The following FBXL4 variants were observed in gnomAD, a reference collection of about 807,000 sequenced individuals.
The protein encoded by FBXL4 is F-box and leucine rich repeat protein 4, also known as F-box/LRR-repeat protein 4.
A neutral mutation model predicts 58.9 loss-of-function variants in FBXL4; 40 were observed. The ratio of observed to expected loss-of-function variants is 0.68; its 90% CI spans 0.53 to 0.88. The LOEUF is 0.88. FBXL4 is among the 40% of genes least tolerant of loss of function. The probability of loss-of-function intolerance (pLI) is 0.00; values close to 1 mark genes in which losing one functional copy is unlikely to be tolerated. For synonymous variants in FBXL4, 263 were observed against 265.5 expected (o/e 0.99, Z 0.09); for missense variants, 676 against 734.4 (o/e 0.92, Z 0.92).
chr6:98,909,847 G>A (rs2128395667), intron 5 of FBXL4, among the ~76,000 whole-genome samples: 1 of 152,230 alleles, frequency 6.6e-6, no homozygotes, highest in Middle Eastern at 3.4e-3. Context: ...GTGGGATCCT[G>A]GTCCCATGGC....
At chr6:98,885,915 GT>G (rs2128382214) in intron 7 of FBXL4, among the ~76,000 whole-genome samples, 1 of 152,298 alleles carries the variant, frequency 6.6e-6, no homozygotes, top group South Asian at 2.1e-4. Flanking sequence ...CAGCTGCCAT[GT>G]CATGAGGACA....
At chr6:98,904,542 C>T (rs111452176) in intron 6 of FBXL4, among the ~76,000 whole-genome samples, 7 of 152,208 alleles carry the variant, frequency 4.6e-5, no homozygotes, top group Middle Eastern at 3.4e-3. Context: ...GCTCCACATA[C>T]GAATTTCTAA....
chr6:98,901,902 T>C (rs1470808777), intron 6 of FBXL4, among the ~76,000 whole-genome samples: 2 of 152,134 alleles, frequency 1.3e-5, no homozygotes, highest in East Asian at 1.9e-4. Flanking sequence ...TCACAAAGTA[T>C]TTTTTTATAC....
At position 98,926,826 on chromosome 6, in the gene FBXL4, C is replaced by A; in HGVS notation, c.163G>T (p.Ala55Ser). The A allele has an allele frequency of 6.2e-7, 1 of 1,614,178 alleles. No homozygotes were observed. Among genetic ancestry groups the A allele is most frequent in the Non-Finnish European group, 8.5e-7 (1 of 1,180,028 alleles). ...GAACTGAAATCCACTACTTCTTTGGCATACTGGACTACCTCTGCATTGAGA... is the reference window on the plus strand; with the variant it reads ...GAACTGAAATCCACTACTTCTTTGGAATACTGGACTACCTCTGCATTGAGA... ...SPLNAEVVQY[A>S]KEVVDFSSHY... Residue 55 changes from alanine (A) to serine (S), a missense_variant, in exon 4 of 10, where the codon GCC becomes TCC. Coordinates refer to ENST00000369244, the MANE Select transcript of FBXL4 (RefSeq NM_001278716.2).
intron 4 of FBXL4, among the ~76,000 whole-genome samples, chr6:98,920,217 C>T (rs969209314): frequency 1.3e-5 from 2 of 151,952 alleles, no homozygotes. Context: ...TACAAAAAGT[C>T]CTCTCTAGCT....
rs542852839 is a variant in FBXL4, at chr6:98,899,333, C to T, written c.1252G>A (p.Ala418Thr). 4 of 1,613,956 alleles carry T rather than the reference C, an allele frequency of 2.5e-6. No individual in the cohort carries two copies. In the Admixed American group the frequency reaches 5.0e-5, roughly 20 times the overall value. Residue 418 changes from alanine to threonine, a missense_variant, in exon 7 of 10, where the codon GCT (alanine) becomes ACT (threonine). Coordinates refer to ENST00000369244, the MANE Select transcript of FBXL4 (RefSeq NM_001278716.2). ...LSSCDKLPPQ[A>T]FNHIAKLCSL... ...CATAACTTGGCAATGTGGTTGAAAG[C>T]TTGAGGTGGTAGCTTATCACAGGAG...
intron 1 of FBXL4, among the ~76,000 whole-genome samples, chr6:98,938,806 G>A (rs1197552978): frequency 1.3e-5 from 2 of 151,934 alleles, no homozygotes; most frequent in East Asian, 3.8e-4. Context: ...ACTGAGGCTG[G>A]GCACAGCGGC....
intron 4 of FBXL4, among the ~76,000 whole-genome samples, chr6:98,924,932 T>G: frequency 6.6e-6 from 1 of 152,200 alleles, no homozygotes; most frequent in Non-Finnish European, 1.5e-5. Context: ...GCGGGAATTT[T>G]TATTTATTTT....
chr6:98,888,361 T>C (rs1051705118), intron 7 of FBXL4, among the ~76,000 whole-genome samples: 5 of 152,182 alleles, frequency 3.3e-5, no homozygotes, highest in African/African-American at 1.2e-4. Context: ...ACCTAGCCCT[T>C]CACAGAAAAA....
chr6:98,916,222 C>A (rs1772339668), intron 5 of FBXL4, among the ~76,000 whole-genome samples: 1 of 151,902 alleles, frequency 6.6e-6, no homozygotes. Context: ...GTTGGTGGGA[C>A]TGTAAACTAG....
intron 6 of FBXL4, among the ~76,000 whole-genome samples, chr6:98,902,855 G>A (rs1372288074): frequency 1.3e-5 from 2 of 152,086 alleles, no homozygotes; most frequent in East Asian, 3.9e-4. Flanking sequence ...TGATATGCAT[G>A]AACAGTACTC....
intron 5 of FBXL4, among the ~76,000 whole-genome samples, chr6:98,910,150 C>G (rs781427702): frequency 6.6e-6 from 1 of 152,172 alleles, no homozygotes; most frequent in Non-Finnish European, 1.5e-5. Context: ...TTTAACCACA[C>G]AGTAGTTTTC....
intron 7 of FBXL4, among the ~76,000 whole-genome samples, chr6:98,889,323 T>C (rs1349650045): frequency 1.3e-5 from 2 of 152,182 alleles, no homozygotes; most frequent in Non-Finnish European, 2.9e-5. Context: ...CACAACTGCC[T>C]TCTTGTTTGT....
At chr6:98,919,372 T>C (rs979658175) in intron 4 of FBXL4, among the ~76,000 whole-genome samples, 1 of 152,158 alleles carries the variant, frequency 6.6e-6, no homozygotes, top group African/African-American at 2.4e-5. Context: ...TCCTGAAATG[T>C]AGGAATAAAA....
intron 5 of FBXL4, among the ~76,000 whole-genome samples, chr6:98,915,901 A>C (rs1772324050): frequency 6.6e-6 from 1 of 151,760 alleles, no homozygotes; most frequent in South Asian, 2.1e-4. Flanking sequence ...AAATGGGAGA[A>C]AATTTTCGCA....
intron 7 of FBXL4, among the ~76,000 whole-genome samples, chr6:98,887,227 CT>C (rs1241919324): frequency 6.6e-6 from 1 of 152,184 alleles, no homozygotes; most frequent in Non-Finnish European, 1.5e-5. Context: ...GACCATGCCA[CT>C]GTACTCCAGC....
At chr6:98,900,772 T>G (rs1771578563) in intron 6 of FBXL4, among the ~76,000 whole-genome samples, 1 of 152,210 alleles carries the variant, frequency 6.6e-6, no homozygotes, top group Non-Finnish European at 1.5e-5. Context: ...AGCCTGCACA[T>G]CTTATTTACA....
intron 6 of FBXL4, among the ~76,000 whole-genome samples, chr6:98,905,216 T>TA (rs1771752362): frequency 6.6e-6 from 1 of 152,254 alleles, no homozygotes; most frequent in South Asian, 2.1e-4. Flanking sequence ...TTTCCCTTCA[T>TA]ATTCATATAA....
At chr6:98,941,210 A>G (rs556483494) in intron 1 of FBXL4, among the ~76,000 whole-genome samples, 8 of 151,724 alleles carry the variant, frequency 5.3e-5, no homozygotes, top group Non-Finnish European at 1.2e-4. Flanking sequence ...ACATCCATAC[A>G]ATGAGTTACT....
Sources: gnomAD v4.1 joint callset for allele counts (sites outside exome capture counted in the v4.1 genomes callset) on GRCh38, gnomAD v4.1.1 for gene constraint, MANE v1.5 for transcripts, NCBI Gene and HGNC (gene_info 2026-07-23, HGNC 2026-07-21) for gene names.